Variants in SUSD1 observed in about 807,000 individuals in gnomAD.
SUSD1 encodes sushi domain containing 1, also known as sushi domain-containing protein 1.
SUSD1 carries 65 observed loss-of-function variants against 86.9 expected under a neutral mutation model. That is an observed-to-expected ratio of 0.75 (90% confidence interval 0.61 to 0.92). The LOEUF (loss-of-function observed/expected upper bound fraction) is 0.92. Ranked by LOEUF, SUSD1 falls within the 40% of genes least tolerant of loss-of-function variation. SUSD1 has a pLI of 0.00. For missense variants in SUSD1, 850 were observed against 929.7 expected, an observed-to-expected ratio of 0.91 and a Z score of 1.11; for synonymous variants, 346 against 350.0, an observed-to-expected ratio of 0.99 and a Z score of 0.13.
rs2131707572 is a variant in SUSD1 at position 112,130,156 on chromosome 9, T to C, written c.707-5720A>G. Among the ~76,000 whole-genome samples the C allele has an allele frequency of 2.0e-5, 3 of 152,110 alleles. No individual in the cohort carries two copies. The South Asian group carries it at 6.2e-4, about 32-fold the overall frequency. The stretch of plus-strand genomic sequence containing the variant: ...GGGAGACCAAGGCAGGAGGATTGCT[T>C]CAGCCCAGGAGTTCAAGACCAGCCT... On this transcript the variant is annotated intron_variant, in intron 5 of 16. Transcript: ENST00000374270.
At chr9:112,117,450 C>T (rs9409114) in intron 6 of SUSD1, among the ~76,000 whole-genome samples, 97,887 of 151,864 alleles carry the variant, frequency 0.64, 32,172 homozygotes, top group African/African-American at 0.76. Context: ...TGAAGTCTCA[C>T]TGGATTTGGG....
chr9:112,155,730 G>C (rs1833270304), intron 2 of SUSD1, among the ~76,000 whole-genome samples: 1 of 151,948 alleles, frequency 6.6e-6, no homozygotes, highest in South Asian at 2.1e-4. Flanking sequence ...AGGAAGCTGA[G>C]GCAGGAGGAT....
At chr9:112,130,318 A>C (rs1203955709) in intron 5 of SUSD1, among the ~76,000 whole-genome samples, 1 of 151,412 alleles carries the variant, frequency 6.6e-6, no homozygotes, top group Non-Finnish European at 1.5e-5. Flanking sequence ...GGTTACAGTG[A>C]GCCAAGAATG....
chr9:112,137,495 C>T (rs1307691434), intron 5 of SUSD1, among the ~76,000 whole-genome samples: 1 of 152,008 alleles, frequency 6.6e-6, no homozygotes, highest in Admixed American at 6.6e-5. Flanking sequence ...ATCCTTAGAG[C>T]GTTCTTTGAT....
intron 15 of SUSD1, among the ~76,000 whole-genome samples, chr9:112,043,482 C>T (rs1478462626): frequency 6.6e-6 from 1 of 152,090 alleles, no homozygotes; most frequent in African/African-American, 2.4e-5. Context: ...CTACCCCCTA[C>T]CCACTAAGTA....
intron 8 of SUSD1, among the ~76,000 whole-genome samples, chr9:112,104,267 C>A (rs1830744054): frequency 6.6e-6 from 1 of 152,016 alleles, no homozygotes; most frequent in Admixed American, 6.5e-5. Context: ...AACCACCTGC[C>A]TCAGTCTCCC....
chr9:112,052,882 T>C (rs538288089), intron 14 of SUSD1, among the ~76,000 whole-genome samples: 2 of 152,280 alleles, frequency 1.3e-5, no homozygotes, highest in South Asian at 4.1e-4. Context: ...TTCATCTATC[T>C]AGATGTCACT....
intron 5 of SUSD1, among the ~76,000 whole-genome samples, chr9:112,139,266 G>T (rs1483530531): frequency 1.3e-5 from 2 of 151,890 alleles, no homozygotes; most frequent in East Asian, 3.9e-4. Context: ...AACAAAGATG[G>T]CACAGGAAAA....
chr9:112,173,157 C>T (rs1399392696), intron 1 of SUSD1, among the ~76,000 whole-genome samples: 1 of 152,058 alleles, frequency 6.6e-6, no homozygotes, highest in East Asian at 1.9e-4. Context: ...GCGCACTGTT[C>T]TCGGAGATAG....
At chr9:112,139,246 T>C (rs1187444219) in intron 5 of SUSD1, among the ~76,000 whole-genome samples, 2 of 152,078 alleles carry the variant, frequency 1.3e-5, no homozygotes. Flanking sequence ...ATAACATTAA[T>C]ACCGAACTGA....
At chr9:112,129,352 G>A (rs935241555) in intron 5 of SUSD1, among the ~76,000 whole-genome samples, 4 of 152,222 alleles carry the variant, frequency 2.6e-5, no homozygotes, top group East Asian at 1.9e-4. Context: ...TACTCCTGTC[G>A]CCAAGGCTGG....
intron 8 of SUSD1, chr9:112,103,091 T>A (rs887776168): frequency 2.3e-6 from 1 of 436,378 alleles, no homozygotes; most frequent in Admixed American, 3.2e-5. Context: ...ATGAGAAAGG[T>A]GTAAATGTCT....
chr9:112,047,181 C>T (rs1027854753), intron 15 of SUSD1, among the ~76,000 whole-genome samples: 1 of 152,156 alleles, frequency 6.6e-6, no homozygotes, highest in African/African-American at 2.4e-5. Flanking sequence ...GAAGGGGAAG[C>T]AGGCACAGTC....
intron 3 of SUSD1, among the ~76,000 whole-genome samples, chr9:112,143,877 G>A (rs1430298179): frequency 1.3e-5 from 2 of 152,118 alleles, no homozygotes; most frequent in East Asian, 3.8e-4. Context: ...TTTTACAAAA[G>A]CTGATAACCA....
chr9:112,049,294 T>C (rs1252587057), intron 15 of SUSD1, among the ~76,000 whole-genome samples: 1 of 152,230 alleles, frequency 6.6e-6, no homozygotes, highest in African/African-American at 2.4e-5. Flanking sequence ...CGATTACAGC[T>C]TATTATCATC....
intron 12 of SUSD1, among the ~76,000 whole-genome samples, chr9:112,070,903 G>T (rs1015873364): frequency 6.6e-6 from 1 of 152,144 alleles, no homozygotes; most frequent in African/African-American, 2.4e-5. Context: ...CAGCTGGGGA[G>T]AAAAATTACA....
chr9:112,095,589 A>G (rs898270899), intron 10 of SUSD1, among the ~76,000 whole-genome samples: 2 of 152,200 alleles, frequency 1.3e-5, no homozygotes, highest in Non-Finnish European at 2.9e-5. Flanking sequence ...ACAGCAGCTC[A>G]CAGATCAGCT....
At chr9:112,149,115 C>T (rs1589727515) in intron 3 of SUSD1, 129 bp downstream of exon 3, 2 of 1,283,004 alleles carry the variant, frequency 1.6e-6, no homozygotes, top group African/African-American at 3.0e-5. Flanking sequence ...AGAATATTAT[C>T]CTATATACCA....
intron 5 of SUSD1, among the ~76,000 whole-genome samples, chr9:112,125,965 C>G (rs1831757081): frequency 6.6e-6 from 1 of 152,178 alleles, no homozygotes; most frequent in African/African-American, 2.4e-5. Flanking sequence ...CCATGTTTGC[C>G]CACAGAGCTT....
Sources: gnomAD v4.1 joint callset for allele counts (sites outside exome capture counted in the v4.1 genomes callset) on GRCh38, gnomAD v4.1.1 for gene constraint, MANE v1.5 for transcripts, NCBI Gene and HGNC (gene_info 2026-07-23, HGNC 2026-07-21) for gene names.